The following TENT5D variants were observed in gnomAD, a reference collection of about 807,000 sequenced individuals.
TENT5D encodes the protein cancer/testis antigen 112.
For missense variants in TENT5D, 191 were observed against 287.0 expected (o/e 0.67, Z 2.42); for synonymous variants, 103 against 100.6 (o/e 1.02, Z -0.15).
At chrX:80,369,171 G>C (rs967483996) in intron 3 of TENT5D, among the ~76,000 whole-genome samples, 3 of 111,542 alleles carry the variant, frequency 2.7e-5, no homozygotes, top group East Asian at 2.8e-4. Flanking sequence ...ATTAGTGTCT[G>C]TTTTCTTTGC....
intron 3 of TENT5D, among the ~76,000 whole-genome samples, chrX:80,382,712 C>CG (rs1236370367): frequency 1.8e-5 from 2 of 109,761 alleles, no homozygotes; most frequent in Admixed American, 9.6e-5. Flanking sequence ...ACGCCCCCCC[C>CG]CCACTGCCAG....
intron 3 of TENT5D, among the ~76,000 whole-genome samples, chrX:80,355,354 C>T (rs1040390729): frequency 1.2e-4 from 13 of 111,661 alleles, no homozygotes; most frequent in Non-Finnish European, 2.4e-4. Context: ...CACAGGGGTG[C>T]TGAGATTAGA....
chrX:80,383,641 G>T (rs1930924719), intron 3 of TENT5D, among the ~76,000 whole-genome samples: 1 of 111,842 alleles, frequency 8.9e-6, no homozygotes, highest in Non-Finnish European at 1.9e-5. Flanking sequence ...CAGATCACAA[G>T]GTCAGGAGAT....
At chrX:80,359,106 A>G (rs533105929) in intron 3 of TENT5D, among the ~76,000 whole-genome samples, 1 of 112,568 alleles carries the variant, frequency 8.9e-6, no homozygotes, top group African/African-American at 3.2e-5. Context: ...AGAATGAGAT[A>G]CCATCTCACA....
chrX:80,362,346 A>G (rs976641598), intron 3 of TENT5D, among the ~76,000 whole-genome samples: 10 of 110,340 alleles, frequency 9.1e-5, no homozygotes, highest in African/African-American at 3.3e-4. Flanking sequence ...TGTATGTTTA[A>G]TAGAGACGAG....
Position 80,353,414 on chromosome X carries a change from A to T in TENT5D, c.-142+10850A>T, listed in dbSNP as rs762743917. Reference sequence around the variant, plus strand: ...TAGTACCCTATAGGTAGTTTTTTTTAAATTTTCGCCCTCCTCCTATCCTCT... The same window carrying T: ...TAGTACCCTATAGGTAGTTTTTTTTTAATTTTCGCCCTCCTCCTATCCTCT... On this transcript the variant is annotated intron_variant, in intron 3 of 4. Transcript: ENST00000538312. Among the ~76,000 whole-genome samples the T allele has an allele frequency of 7.2e-5, 8 of 111,120 alleles. 1 individual carries two copies. Among genetic ancestry groups the T allele is most frequent in the Admixed American group, 4.8e-4 (5 of 10,488 alleles).
intron 3 of TENT5D, among the ~76,000 whole-genome samples, chrX:80,401,855 G>A (rs1931395991): frequency 8.9e-6 from 1 of 112,116 alleles, no homozygotes; most frequent in African/African-American, 3.2e-5. Context: ...ATACTGGCCT[G>A]TAGGTTTCTT....
At chrX:80,411,382 A>C (rs1415563701) in intron 3 of TENT5D, among the ~76,000 whole-genome samples, 1 of 112,178 alleles carries the variant, frequency 8.9e-6, no homozygotes, top group Non-Finnish European at 1.9e-5. Context: ...GACACAAATC[A>C]TTTACTACAT....
At chrX:80,416,252 A>G (rs1444429887), upstream of TENT5D, among the ~76,000 whole-genome samples, 4 of 85,708 alleles carry the variant, frequency 4.7e-5, no homozygotes, top group Non-Finnish European at 8.8e-5. Context: ...GGCTTCATTG[A>G]TATTTTGAAT....
At chrX:80,358,060 G>A (rs1415629034) in intron 3 of TENT5D, among the ~76,000 whole-genome samples, 1 of 111,592 alleles carries the variant, frequency 9.0e-6, no homozygotes, top group Non-Finnish European at 1.9e-5. Context: ...AACAGGAAAT[G>A]GGGAAAGGAT....
chrX:80,432,887 GCTTT>G (rs1169734369), intron 1 of TENT5D, among the ~76,000 whole-genome samples: 1 of 111,062 alleles, frequency 9.0e-6, no homozygotes, highest in Non-Finnish European at 1.9e-5. Context: ...TAGTCTGTAG[GCTTT>G]CTTACAGAAA....
intron 3 of TENT5D, among the ~76,000 whole-genome samples, chrX:80,402,977 G>A (rs979276703): frequency 6.3e-5 from 7 of 111,617 alleles, no homozygotes; most frequent in Non-Finnish European, 1.1e-4. Flanking sequence ...TGAAAGTGGG[G>A]TGCTGAAGCC....
At chrX:80,375,373 G>A (rs1178144669) in intron 3 of TENT5D, among the ~76,000 whole-genome samples, 1 of 111,078 alleles carries the variant, frequency 9.0e-6, no homozygotes, top group Non-Finnish European at 1.9e-5. Flanking sequence ...TAGCTTGCTT[G>A]TAAATTCTTA....
intron 3 of TENT5D, among the ~76,000 whole-genome samples, chrX:80,407,401 G>A (rs1931525224): frequency 1.8e-5 from 2 of 109,982 alleles, no homozygotes; most frequent in Admixed American, 1.9e-4. Context: ...AAAGGATGGA[G>A]GAAGATCTAC....
At chrX:80,431,966 A>G (rs1013142782) in intron 1 of TENT5D, among the ~76,000 whole-genome samples, 2 of 111,321 alleles carry the variant, frequency 1.8e-5, no homozygotes, top group East Asian at 5.6e-4. Context: ...GTTGGGAGAT[A>G]AATAGGTTTT....
At chrX:80,407,677 C>T (rs1460530248) in intron 3 of TENT5D, among the ~76,000 whole-genome samples, 1 of 108,496 alleles carries the variant, frequency 9.2e-6, no homozygotes, top group East Asian at 2.9e-4. Context: ...CCACTGTCAA[C>T]ATTAGACAGA....
chrX:80,417,623 C>T (rs942680224), upstream of TENT5D, among the ~76,000 whole-genome samples: 12 of 110,771 alleles, frequency 1.1e-4, no homozygotes, highest in Non-Finnish European at 1.7e-4. Flanking sequence ...TTAAGTATGC[C>T]GAATACAAGC....
At position 80,434,152 on chromosome X, in the gene TENT5D, A is replaced by AC. The variant is rs1932138155; in HGVS notation, c.-141-4458_-141-4457insC. 1.9e-5 allele frequency among the ~76,000 whole-genome samples: 2 copies of AC among 105,618 alleles called. 1 individual carries two copies. Among genetic ancestry groups the AC allele is most frequent in the African/African-American group, 6.9e-5 (2 of 28,839 alleles). The allele number at this position is 105,618 out of a possible 115,157, so 91.7% of individuals were successfully genotyped here. A position where few individuals can be genotyped will look rare whatever the true frequency, so the allele number is the denominator to read the frequency against. ...ACTCTGTCTCAAAAAAAACAAAACA[A>AC]AAAAAAAAGGGAAATGGAGCTAAGC... On this transcript the variant is annotated intron_variant, in intron 1 of 2. Coordinates refer to ENST00000308293, the Ensembl canonical transcript of TENT5D.
At chrX:80,439,364 T>C (rs183810095) in intron 2 of TENT5D, among the ~76,000 whole-genome samples, 1 of 111,382 alleles carries the variant, frequency 9.0e-6, no homozygotes, top group East Asian at 2.8e-4. Context: ...TTTTTCCACC[T>C]TTACCATGAC....
Sources: allele counts gnomAD v4.1 joint callset (sites outside exome capture counted in the v4.1 genomes callset), GRCh38; gene constraint gnomAD v4.1.1; transcripts MANE v1.5; gene names NCBI Gene and HGNC (gene_info 2026-07-23, HGNC 2026-07-21).